Variants in EIF3J observed in about 807,000 individuals in gnomAD.
The protein encoded by EIF3J is eukaryotic translation initiation factor 3, subunit 1 (alpha, 35kD).
EIF3J carries 15 observed loss-of-function variants against 39.0 expected under a neutral mutation model. The observed-to-expected ratio is 0.38, with a 90% CI of 0.26 to 0.59. The LOEUF is 0.59. EIF3J is among the 20% of genes least tolerant of loss of function. The pLI is 0.60. For missense variants in EIF3J, 226 were observed against 308.6 expected, an observed-to-expected ratio of 0.73 and a Z score of 2.00; for synonymous variants, 98 against 112.9, an observed-to-expected ratio of 0.87 and a Z score of 0.84.
rs1274513647 is a variant in EIF3J, at chr15:44,561,718, C to T, written c.*569C>T. On this transcript the variant is annotated 3_prime_UTR_variant, in exon 8 of 8. Transcript: ENST00000261868. ...TGATATAAAATTAAAATGACCAAAA[C>T]CCTCCAACTTTGAAGCTAAAGAAGG... is the stretch of plus-strand genomic sequence containing the variant. The T allele has an allele frequency of 6.6e-6, 1 of 152,474 alleles. No individual in the cohort carries two copies. The highest frequency in any genetic ancestry group is 2.4e-5 in the African/African-American group (1 of 41,420). The allele number at this position is 152,474 out of a possible 1,614,324, so 9.4% of individuals were successfully genotyped here.
chr15:44,551,550 T>C (rs2082099098), intron 4 of EIF3J, 28 bp downstream of exon 4: 40 of 1,520,480 alleles, frequency 2.6e-5, no homozygotes, highest in Non-Finnish European at 3.5e-5. Flanking sequence ...AAATACAGAA[T>C]TCTCACATCG....
At chr15:44,548,159 C>T (rs908128597) in intron 2 of EIF3J, among the ~76,000 whole-genome samples, 5 of 152,138 alleles carry the variant, frequency 3.3e-5, no homozygotes, top group East Asian at 1.9e-4. Flanking sequence ...TGGTGGCTCA[C>T]GCCTGCAATC....
chr15:44,556,237 T>C (rs551094742), intron 5 of EIF3J, among the ~76,000 whole-genome samples: 3 of 152,332 alleles, frequency 2.0e-5, no homozygotes, highest in Non-Finnish European at 2.9e-5. Context: ...ACAAATACTT[T>C]CACAGGATCC....
At chr15:44,537,728 G>T (rs1010858754) in intron 2 of EIF3J, among the ~76,000 whole-genome samples, 7 of 152,224 alleles carry the variant, frequency 4.6e-5, no homozygotes, top group Non-Finnish European at 7.3e-5. Flanking sequence ...TCGCGGTCCG[G>T]AGCCTCTCGC....
chr15:44,559,784 T>A (rs1442783033), intron 6 of EIF3J, among the ~76,000 whole-genome samples: 1 of 152,080 alleles, frequency 6.6e-6, no homozygotes, highest in African/African-American at 2.4e-5. Context: ...GGTGTGTTAA[T>A]GGAAGGGCAT....
chr15:44,538,529 CTTAATAGGAATG>C (rs2081980752), intron 2 of EIF3J, among the ~76,000 whole-genome samples: 2 of 152,068 alleles, frequency 1.3e-5, no homozygotes, highest in Non-Finnish European at 2.9e-5. Flanking sequence ...TCACTATGAA[CTTAATAGGAATG>C]TTGTTTTGAG....
At chr15:44,556,732 G>A (rs1260610619) in intron 5 of EIF3J, among the ~76,000 whole-genome samples, 1 of 151,990 alleles carries the variant, frequency 6.6e-6, no homozygotes, top group East Asian at 1.9e-4. Flanking sequence ...CTTGTCTCTC[G>A]GACTCCTGAC....
Position 44,550,935 on chromosome 15 carries a change from GC to G in EIF3J, c.202+7del, listed in dbSNP as rs2082093844. 6.2e-7 allele frequency: 1 copy of G among 1,606,512 alleles called. No homozygotes were observed. The highest frequency in any genetic ancestry group is 1.3e-5 in the African/African-American group (1 of 74,844). On this transcript the variant is annotated splice_donor_region_variant and intron_variant, in intron 3 of 7. Coordinates refer to ENST00000261868, the MANE Select transcript of EIF3J (RefSeq NM_003758.4). Reference sequence around the variant, plus strand: ...AGGAAGCAGAAGTAAAACCAGGTGAGCCACTGGGGCGCCTCCATTTTTGTTT... The same window carrying G: ...AGGAAGCAGAAGTAAAACCAGGTGAGCACTGGGGCGCCTCCATTTTTGTTT...
At chr15:44,546,816 CTTTTTTTTTTTTTTTT>C (rs1160471321) in intron 2 of EIF3J, among the ~76,000 whole-genome samples, 1 of 78,870 alleles carries the variant, frequency 1.3e-5, no homozygotes, top group South Asian at 5.1e-4. Flanking sequence ...GAGTATAGAT[CTTTTTTTTTTTTTTTT>C]TTTTTTTTTT....
At chr15:44,548,773 G>T (rs1305777301) in intron 2 of EIF3J, among the ~76,000 whole-genome samples, 1 of 152,052 alleles carries the variant, frequency 6.6e-6, no homozygotes, top group Non-Finnish European at 1.5e-5. Context: ...CTAATATAAA[G>T]GTATTAATAA....
intron 6 of EIF3J, chr15:44,558,741 A>G (rs2140903052): frequency 6.6e-6 from 1 of 152,202 alleles, no homozygotes. Context: ...CGCCCAGCCT[A>G]TTTGCAGTTT....
chr15:44,561,541 G>A lies in EIF3J; in HGVS notation c.*392G>A, dbSNP rs1159862470. On this transcript the variant is annotated 3_prime_UTR_variant, in exon 8 of 8. Transcript: ENST00000261868. ...ACCTCCTTGAACTACTTCATAACTT[G>A]TCAAGAAAAGCAGTTTGCAGCAAGG... 6.4e-6 allele frequency: 1 copy of A among 157,140 alleles called. No individual in the cohort carries two copies. The highest frequency in any genetic ancestry group is 1.8e-4 in the East Asian group (1 of 5,504). 9.7% of individuals were successfully genotyped at this position (157,140 alleles called of 1,614,324 possible).
intron 2 of EIF3J, among the ~76,000 whole-genome samples, chr15:44,549,461 T>C (rs1299626245): frequency 2.6e-5 from 4 of 150,976 alleles, no homozygotes; most frequent in Non-Finnish European, 5.9e-5. Context: ...TTGAAATCCA[T>C]CCAGAGGCAA....
At chr15:44,547,437 ATT>A (rs1567117062) in intron 2 of EIF3J, among the ~76,000 whole-genome samples, 4 of 118,474 alleles carry the variant, frequency 3.4e-5, no homozygotes, top group African/African-American at 1.3e-4. Context: ...GCCGGCCTTG[ATT>A]CTTTTTTTTT....
At chr15:44,556,375 T>C (rs1034123941) in intron 5 of EIF3J, among the ~76,000 whole-genome samples, 2 of 152,050 alleles carry the variant, frequency 1.3e-5, no homozygotes, top group Non-Finnish European at 2.9e-5. Flanking sequence ...AGGTTCTTGC[T>C]CAGTCATCCA....
At chr15:44,545,305 CAAGT>C (rs1358519486) in intron 2 of EIF3J, among the ~76,000 whole-genome samples, 1 of 152,078 alleles carries the variant, frequency 6.6e-6, no homozygotes, top group East Asian at 1.9e-4. Flanking sequence ...ATTTTGTAAG[CAAGT>C]GTTTAAAACA....
chr15:44,548,272 C>T (rs995861394), intron 2 of EIF3J, among the ~76,000 whole-genome samples: 37 of 152,080 alleles, frequency 2.4e-4, no homozygotes, highest in African/African-American at 6.5e-4. Context: ...AAAATTAGCC[C>T]GGCATGATGG....
chr15:44,561,566 G>A lies in EIF3J; in HGVS notation c.*417G>A, dbSNP rs1243541689. On this transcript the variant is annotated 3_prime_UTR_variant, in exon 8 of 8. Transcript: ENST00000261868. Reference sequence around the variant, plus strand: ...GTCAAGAAAAGCAGTTTGCAGCAAGGGCATGTGGTGTGCACCTAGTATTAA... The same window carrying A: ...GTCAAGAAAAGCAGTTTGCAGCAAGAGCATGTGGTGTGCACCTAGTATTAA... 1.3e-5 allele frequency: 2 copies of A among 156,518 alleles called. No homozygotes were observed. Among genetic ancestry groups the A allele is most frequent in the South Asian group, 2.0e-4 (1 of 5,122 alleles). 9.7% of individuals were successfully genotyped at this position (156,518 alleles called of 1,614,324 possible).
At chr15:44,537,290 G>T in intron 1 of EIF3J, 34 bp from the exon 2 acceptor site, 3 of 1,564,368 alleles carry the variant, frequency 1.9e-6, no homozygotes, top group Non-Finnish European at 2.6e-6. Flanking sequence ...CCCACGCAGT[G>T]GCAGGCACTA....
Sources: gnomAD v4.1 joint callset for allele counts (sites outside exome capture counted in the v4.1 genomes callset) on GRCh38, gnomAD v4.1.1 for gene constraint, MANE v1.5 for transcripts, NCBI Gene and HGNC (gene_info 2026-07-23, HGNC 2026-07-21) for gene names.